SMIM22: variants seen among roughly 807,000 people sequenced by gnomAD.
The protein encoded by SMIM22 is small integral membrane protein 22.
SMIM22 carries 16 observed loss-of-function variants against 8.4 expected under a neutral mutation model. The observed-to-expected ratio is 1.90, with a 90% CI of 1.29 to 2.89. The LOEUF (loss-of-function observed/expected upper bound fraction) is 2.89. SMIM22 is among the 30% of genes most tolerant of loss of function. The pLI, the probability that SMIM22 is intolerant of heterozygous loss-of-function variation, is 0.00. For synonymous variants in SMIM22, 67 were observed against 47.6 expected (o/e 1.41, Z -1.68); for missense variants, 159 against 107.5 (o/e 1.48, Z -2.12).
intron 1 of SMIM22, 36 bp from the exon 2 acceptor site, chr16:4,795,679 C>T (rs2082626664): frequency 1.3e-6 from 2 of 1,527,078 alleles, no homozygotes; most frequent in African/African-American, 1.4e-5. Flanking sequence ...GAGCTGAGCC[C>T]AGGATCCTGA....
upstream of SMIM22, among the ~76,000 whole-genome samples, chr16:4,794,095 C>T (rs368662239): frequency 3.3e-5 from 5 of 150,412 alleles, no homozygotes; most frequent in African/African-American, 4.9e-5. Context: ...GCCACCACAG[C>T]GGGGTAATTT....
upstream of SMIM22, among the ~76,000 whole-genome samples, chr16:4,791,045 T>A (rs1410157127): frequency 6.6e-6 from 1 of 152,204 alleles, no homozygotes; most frequent in Non-Finnish European, 1.5e-5. Context: ...ACGTGTGGAC[T>A]GCGTTTGAGC....
chr16:4,795,900 C>A (rs907144446), intron 2 of SMIM22, 42 bp downstream of exon 2: 26 of 1,531,712 alleles, frequency 1.7e-5, no homozygotes, highest in African/African-American at 8.2e-5. Flanking sequence ...AGCCCCCTGC[C>A]CTGGGCTCCA....
upstream of SMIM22, among the ~76,000 whole-genome samples, chr16:4,793,813 G>A (rs2082591609): frequency 6.6e-6 from 1 of 152,200 alleles, no homozygotes; most frequent in African/African-American, 2.4e-5. Flanking sequence ...GTCTTGCTCT[G>A]TCACCCACGC....
upstream of SMIM22, among the ~76,000 whole-genome samples, chr16:4,793,073 C>CACT (rs1049025086): frequency 7.6e-5 from 11 of 144,962 alleles, no homozygotes; most frequent in African/African-American, 2.6e-4. Context: ...GGCGCCACTG[C>CACT]ACTCTAGCCT....
In SMIM22 at chr16:4,796,227, C is replaced by T; in HGVS notation, c.263C>T (p.Pro88Leu). The T allele has an allele frequency of 1.3e-6, 2 of 1,535,816 alleles. No individual in the cohort carries two copies. Among genetic ancestry groups the T allele is most frequent in the Non-Finnish European group, 1.7e-6 (2 of 1,146,804 alleles). ...PKGVDNLALE[P>L] is the part of the protein sequence containing the mutation. ...GGAGTGGATAACTTGGCCCTGGAACCCTGACCCTGTGTCTCCTGCCCGGTG... is the reference window on the plus strand; with the variant it reads ...GGAGTGGATAACTTGGCCCTGGAACTCTGACCCTGTGTCTCCTGCCCGGTG... Residue 88 changes from proline (P) to leucine (L), a missense_variant, in exon 4 of 4, where the codon CCC (proline) becomes CTC (leucine). By Grantham distance (98) the Pro-to-Leu change is moderately conservative (BLOSUM62 -3). Coordinates refer to ENST00000586005, the MANE Select transcript of SMIM22 (RefSeq NM_001253794.2).
At chr16:4,792,286 G>T (rs1020651720), upstream of SMIM22, among the ~76,000 whole-genome samples, 55 of 151,508 alleles carry the variant, frequency 3.6e-4, no homozygotes, top group Middle Eastern at 6.9e-3. Context: ...CGCCTCCCGG[G>T]TTCATGCCAT....
At chr16:4,792,992 C>T (rs1171534792), upstream of SMIM22, among the ~76,000 whole-genome samples, 2 of 151,522 alleles carry the variant, frequency 1.3e-5, no homozygotes, top group African/African-American at 4.9e-5. Flanking sequence ...GCCTGTAATC[C>T]CAGCTACTCA....
At chr16:4,792,514 T>C (rs1264074698), upstream of SMIM22, among the ~76,000 whole-genome samples, 1 of 147,782 alleles carries the variant, frequency 6.8e-6, no homozygotes, top group South Asian at 2.2e-4. Context: ...TAAATAGAAG[T>C]ATGTCTGCTG....
chr16:4,796,114 G>A (rs1190603377), intron 3 of SMIM22, 66 bp downstream of exon 3: 1 of 1,534,222 alleles, frequency 6.5e-7, no homozygotes, highest in South Asian at 1.2e-5. Flanking sequence ...AAGGTGAGGG[G>A]AGTGGCGGGA....
upstream of SMIM22, among the ~76,000 whole-genome samples, chr16:4,792,291 T>C (rs554499850): frequency 2.9e-4 from 43 of 150,776 alleles, no homozygotes; most frequent in South Asian, 4.2e-4. Flanking sequence ...CCCGGGTTCA[T>C]GCCATTCTCC....
chr16:4,795,900 C>G, intron 2 of SMIM22, 42 bp downstream of exon 2: 1 of 1,531,830 alleles, frequency 6.5e-7, no homozygotes, highest in East Asian at 2.4e-5. Context: ...AGCCCCCTGC[C>G]CTGGGCTCCA....
upstream of SMIM22, among the ~76,000 whole-genome samples, chr16:4,794,254 C>G (rs147628461): frequency 6.7e-6 from 1 of 149,804 alleles, no homozygotes; most frequent in African/African-American, 2.5e-5. Flanking sequence ...ACTATAGGCG[C>G]GTGCCACCAT....
upstream of SMIM22, among the ~76,000 whole-genome samples, chr16:4,790,810 A>ATAAG (rs1289387625): frequency 2.6e-5 from 4 of 152,126 alleles, no homozygotes; most frequent in African/African-American, 7.2e-5. Flanking sequence ...AAATAAATAA[A>ATAAG]TAAGTAAGTA....
upstream of SMIM22, among the ~76,000 whole-genome samples, chr16:4,794,478 T>C (rs966157798): frequency 8.6e-5 from 13 of 150,994 alleles, no homozygotes; most frequent in African/African-American, 2.9e-4. Flanking sequence ...TGGAGTGCAA[T>C]GGCGTGATCT....
Position 4,795,840 on chromosome 16 carries a change from G to T in SMIM22, c.106G>T (p.Val36Phe). The change falls in exon 2 of 4, where the codon GTT becomes TTT. Residue 36 changes from valine (V) to phenylalanine (F), a missense_variant. By Grantham distance (50) the Val-to-Phe change is conservative. Transcript: ENST00000586005. ...QSTWDTVAFI[V>F]FLTFMGTVLL... is the part of the protein sequence containing the mutation. The stretch of plus-strand genomic sequence containing the variant: ...CACATGGGACACTGTTGCCTTCATT[G>T]TTTTCCTCACCTTCATGGGTAAGTG... 1 of 1,535,918 alleles carries T rather than the reference G, an allele frequency of 6.5e-7. No homozygotes were observed. The highest frequency in any genetic ancestry group is 8.7e-7 in the Non-Finnish European group (1 of 1,146,766).
upstream of SMIM22, among the ~76,000 whole-genome samples, chr16:4,791,808 T>C (rs1596266194): frequency 2.0e-5 from 3 of 151,324 alleles, no homozygotes; most frequent in East Asian, 2.0e-4. Context: ...CTGCCTCAGC[T>C]TCCCGAGTAG....
chr16:4,794,725 T>C (rs959379836), upstream of SMIM22, among the ~76,000 whole-genome samples: 1 of 152,118 alleles, frequency 6.6e-6, no homozygotes, highest in Non-Finnish European at 1.5e-5. Flanking sequence ...CGGCCCAATT[T>C]TTGTATTTTT....
chr16:4,796,179 T>G lies in SMIM22; in HGVS notation c.226-11T>G. The G allele has an allele frequency of 6.5e-7, 1 of 1,536,006 alleles. No individual in the cohort carries two copies. The highest frequency in any genetic ancestry group is 8.7e-7 in the Non-Finnish European group (1 of 1,146,868). ...GCGAACCTGCTTGGTCCCGCTGTGCTTCTCGTGCAGGAAAGACCCAAGGGA... is the reference window on the plus strand; with the variant it reads ...GCGAACCTGCTTGGTCCCGCTGTGCGTCTCGTGCAGGAAAGACCCAAGGGA... On this transcript the variant is annotated splice_polypyrimidine_tract_variant and intron_variant, in intron 3 of 3. Transcript: ENST00000586005.
Sources: allele counts gnomAD v4.1 joint callset (sites outside exome capture counted in the v4.1 genomes callset), GRCh38; gene constraint gnomAD v4.1.1; transcripts MANE v1.5; gene names NCBI Gene and HGNC (gene_info 2026-07-23, HGNC 2026-07-21).